SEMA3A: variants seen among roughly 807,000 people sequenced by gnomAD.
SEMA3A encodes the protein semaphorin 3A, also known as semaphorin-3A.
Under a neutral mutation model 97.9 loss-of-function variants are expected in SEMA3A, and 29 were observed. That is an observed-to-expected ratio of 0.30 (90% confidence interval 0.22 to 0.40). SEMA3A has a LOEUF of 0.40. Ranked by LOEUF, SEMA3A falls within the 10% of genes least tolerant of loss-of-function variation. The pLI is 1.00. For missense variants in SEMA3A, 763 were observed against 951.3 expected (o/e 0.80, Z 2.60); for synonymous variants, 321 against 323.7 (o/e 0.99, Z 0.09).
chr7:84,011,991 G>A (rs1790899598), intron 7 of SEMA3A, among the ~76,000 whole-genome samples: 1 of 151,732 alleles, frequency 6.6e-6, no homozygotes, highest in Admixed American at 6.6e-5. Flanking sequence ...AGCACGGAAA[G>A]ACAAATACCT....
chr7:84,195,792 C>T (rs532178357), upstream of SEMA3A, among the ~76,000 whole-genome samples: 5 of 152,208 alleles, frequency 3.3e-5, no homozygotes, highest in South Asian at 6.2e-4. Context: ...TAAAGGGCAG[C>T]GGAAGATGAC....
intron 5 of SEMA3A, among the ~76,000 whole-genome samples, chr7:84,057,162 A>T (rs1273494208): frequency 6.6e-6 from 1 of 152,218 alleles, no homozygotes; most frequent in Non-Finnish European, 1.5e-5. Context: ...ATATAAACTT[A>T]GCTAAAAGTC....
intron 12 of SEMA3A, among the ~76,000 whole-genome samples, chr7:83,988,930 T>G (rs1402971940): frequency 6.7e-6 from 1 of 149,446 alleles, no homozygotes; most frequent in Non-Finnish European, 1.5e-5. Context: ...CGATCTCGGC[T>G]CACTGCAGGA....
chr7:84,065,720 G>A (rs1224085174), intron 4 of SEMA3A, among the ~76,000 whole-genome samples: 1 of 152,080 alleles, frequency 6.6e-6, no homozygotes, highest in Non-Finnish European at 1.5e-5. Context: ...ACTAAACCAG[G>A]AAGAAGTTGA....
At chr7:84,090,084 T>A (rs1794515361) in intron 4 of SEMA3A, among the ~76,000 whole-genome samples, 1 of 152,096 alleles carries the variant, frequency 6.6e-6, no homozygotes, top group South Asian at 2.1e-4. Flanking sequence ...TTTAATCCCA[T>A]ATATTCTCTG....
chr7:84,149,577 G>A (rs756142137), intron 1 of SEMA3A, among the ~76,000 whole-genome samples: 6 of 152,142 alleles, frequency 3.9e-5, no homozygotes, highest in Non-Finnish European at 7.4e-5. Context: ...AATGTCAAAC[G>A]TCAAATTCAG....
At chr7:84,105,112 T>C (rs1795069461) in intron 4 of SEMA3A, among the ~76,000 whole-genome samples, 1 of 152,170 alleles carries the variant, frequency 6.6e-6, no homozygotes, top group Non-Finnish European at 1.5e-5. Flanking sequence ...GACTCCAATG[T>C]AAGATCTCAG....
chr7:84,349,130 C>T (rs552811962), intron 2 of SEMA3A, among the ~76,000 whole-genome samples: 1 of 152,062 alleles, frequency 6.6e-6, no homozygotes, highest in Non-Finnish European at 1.5e-5. Context: ...TTTTGAAGCA[C>T]TTTTTTCTGT....
At chr7:84,256,477 A>G (rs1424251929) in intron 3 of SEMA3A, among the ~76,000 whole-genome samples, 1 of 152,110 alleles carries the variant, frequency 6.6e-6, no homozygotes. Flanking sequence ...AAAAAGGCAA[A>G]TAAGGAAAAC....
intron 3 of SEMA3A, among the ~76,000 whole-genome samples, chr7:84,125,245 G>A (rs1795755557): frequency 6.6e-6 from 1 of 152,246 alleles, no homozygotes; most frequent in Non-Finnish European, 1.5e-5. Flanking sequence ...TTTTAAAAAT[G>A]TGTGTCTCTC....
intron 1 of SEMA3A, among the ~76,000 whole-genome samples, chr7:84,388,942 G>A (rs1486886351): frequency 1.3e-5 from 2 of 151,932 alleles, no homozygotes; most frequent in African/African-American, 4.8e-5. Context: ...CTTGCTTACT[G>A]TAATGATTAT....
intron 12 of SEMA3A, 23 bp downstream of exon 12, chr7:84,001,932 A>T: frequency 6.5e-7 from 1 of 1,541,850 alleles, no homozygotes; most frequent in Non-Finnish European, 9.0e-7. Flanking sequence ...ACTTGTTGAC[A>T]CTTGAAATTA....
At chr7:83,994,389 G>C (rs1204244389) in intron 12 of SEMA3A, among the ~76,000 whole-genome samples, 1 of 119,746 alleles carries the variant, frequency 8.4e-6, no homozygotes, top group African/African-American at 3.1e-5. Context: ...GAGGAGAGGT[G>C]CTCTGCTTTT....
At chr7:84,348,222 G>A (rs1447034454) in intron 2 of SEMA3A, among the ~76,000 whole-genome samples, 4 of 151,958 alleles carry the variant, frequency 2.6e-5, no homozygotes, top group Non-Finnish European at 4.4e-5. Flanking sequence ...TATTACAAAG[G>A]AAATAAATAA....
chr7:84,005,256 A>G (rs887877897), intron 11 of SEMA3A, 83 bp downstream of exon 11: 7 of 1,029,990 alleles, frequency 6.8e-6, no homozygotes, highest in Admixed American at 1.8e-5. Context: ...TGGCATCCCA[A>G]CCCCTGAGAT....
At chr7:84,011,479 C>A (rs563003742) in intron 7 of SEMA3A, among the ~76,000 whole-genome samples, 182 bp from the exon 8 acceptor site, 19 of 152,164 alleles carry the variant, frequency 1.2e-4, no homozygotes, top group South Asian at 2.1e-4. Flanking sequence ...GTGGTCGAAT[C>A]GTTCCCTCAA....
chr7:83,961,851 G>A, intron 16 of SEMA3A, 25 bp from the exon 17 acceptor site: 1 of 1,546,942 alleles, frequency 6.5e-7, no homozygotes. Context: ...AAAAGGCAGT[G>A]TAAAATATAC....
At chr7:84,427,577 G>T (rs1285458947) in intron 1 of SEMA3A, among the ~76,000 whole-genome samples, 3 of 143,568 alleles carry the variant, frequency 2.1e-5, no homozygotes, top group Non-Finnish European at 4.5e-5. Context: ...CAGGGAGGCG[G>T]AGGTTGCAGT....
chr7:84,095,137 T>C (rs902079210), intron 4 of SEMA3A, among the ~76,000 whole-genome samples: 8 of 147,916 alleles, frequency 5.4e-5, no homozygotes, highest in Non-Finnish European at 8.9e-5. Flanking sequence ...ATTATATATA[T>C]TGCATATTAT....
Sources: allele counts gnomAD v4.1 joint callset (sites outside exome capture counted in the v4.1 genomes callset), GRCh38; gene constraint gnomAD v4.1.1; transcripts MANE v1.5; gene names NCBI Gene and HGNC (gene_info 2026-07-23, HGNC 2026-07-21).